CDH8: variants seen among roughly 807,000 people sequenced by gnomAD.
CDH8 encodes cadherin 8.
CDH8 carries 17 observed loss-of-function variants against 68.1 expected under a neutral mutation model. That is an observed-to-expected ratio of 0.25 (90% CI 0.17 to 0.37). The LOEUF is 0.37. Among genes scored for constraint, CDH8 ranks in the 10% least tolerant of loss-of-function variants. The pLI is 1.00. For synonymous variants in CDH8, 372 were observed against 365.1 expected, an observed-to-expected ratio of 1.02 and a Z score of -0.21; for missense variants, 763 against 999.3, an observed-to-expected ratio of 0.76 and a Z score of 3.19.
intron 10 of CDH8, among the ~76,000 whole-genome samples, chr16:61,669,343 C>T (rs1001799621): frequency 2.0e-5 from 3 of 152,020 alleles, no homozygotes; most frequent in African/African-American, 7.2e-5. Flanking sequence ...GGAAAGTCTT[C>T]CTCAACACAC....
intron 2 of CDH8, among the ~76,000 whole-genome samples, chr16:61,993,231 CTAACTT>C (rs996785084): frequency 1.7e-4 from 26 of 152,310 alleles, no homozygotes; most frequent in African/African-American, 5.3e-4. Context: ...ACCATTATCT[CTAACTT>C]TAATCACTAA....
In CDH8 at chr16:61,788,464, T is replaced by C. The variant is rs138195100; in HGVS notation, c.1414+882A>G. 3.1e-4 allele frequency among the ~76,000 whole-genome samples: 47 copies of C among 152,220 alleles called. No individual in the cohort carries two copies. The East Asian group carries it at 8.9e-3, about 29-fold the overall frequency. ...GAATTTATTGTCTCCTTTGAATTTG[T>C]GCACAACTTCAAAGTCCTTTATAGA... On this transcript the variant is annotated intron_variant, in intron 8 of 11. Transcript: ENST00000577390.
intron 2 of CDH8, among the ~76,000 whole-genome samples, chr16:61,959,036 C>T (rs891934244): frequency 6.6e-6 from 1 of 152,152 alleles, no homozygotes; most frequent in African/African-American, 2.4e-5. Context: ...AATCCTTTCT[C>T]TCATTTGGCC....
chr16:61,848,541 T>C (rs1463040643), intron 4 of CDH8, among the ~76,000 whole-genome samples: 1 of 152,066 alleles, frequency 6.6e-6, no homozygotes, highest in Non-Finnish European at 1.5e-5. Context: ...AAACAATTAA[T>C]ATGACCTCAG....
intron 4 of CDH8, among the ~76,000 whole-genome samples, chr16:61,844,399 G>A (rs1962760370): frequency 6.6e-6 from 1 of 152,036 alleles, no homozygotes; most frequent in Non-Finnish European, 1.5e-5. Context: ...CCTGCACGTT[G>A]TGCACATGTA....
At chr16:61,751,176 G>T (rs17248975) in intron 8 of CDH8, among the ~76,000 whole-genome samples, 1 of 151,324 alleles carries the variant, frequency 6.6e-6, no homozygotes, top group Admixed American at 6.6e-5. Context: ...AATAAATACC[G>T]ATGCAATACA....
At chr16:62,028,665 C>T (rs993058680) in intron 1 of CDH8, among the ~76,000 whole-genome samples, 1 of 151,708 alleles carries the variant, frequency 6.6e-6, no homozygotes, top group Non-Finnish European at 1.5e-5. Context: ...TTGGAATCAT[C>T]AGTTTAGTTA....
intron 2 of CDH8, among the ~76,000 whole-genome samples, chr16:61,980,207 G>A (rs1965507387): frequency 6.6e-6 from 1 of 152,138 alleles, no homozygotes; most frequent in Non-Finnish European, 1.5e-5. Flanking sequence ...GTAAACCTGG[G>A]ACTGGAGAGG....
In CDH8 at chr16:61,652,310, C is replaced by T; in HGVS notation, c.*1298G>A. ...GTAAACAGTGAAATTATGTACAAAT[C>T]AGTTCCTGCTCTAAAACTGTGGGGG... On this transcript the variant is annotated 3_prime_UTR_variant, in exon 12 of 12. Transcript: ENST00000577390. The T allele has an allele frequency of 1.0e-6, 1 of 985,092 alleles. No individual in the cohort carries two copies. Among genetic ancestry groups the T allele is most frequent in the Non-Finnish European group, 1.2e-6 (1 of 829,708 alleles). 61.0% of individuals were successfully genotyped at this position (985,092 alleles called of 1,614,324 possible).
intron 10 of CDH8, among the ~76,000 whole-genome samples, chr16:61,690,436 C>T (rs1964196797): frequency 6.6e-6 from 1 of 151,988 alleles, no homozygotes; most frequent in Non-Finnish European, 1.5e-5. Context: ...TCTATATAAG[C>T]TCTACTATTT....
intron 11 of CDH8, among the ~76,000 whole-genome samples, chr16:61,655,143 C>G (rs1258718007): frequency 6.6e-6 from 1 of 152,132 alleles, no homozygotes; most frequent in Admixed American, 6.5e-5. Context: ...ACTGGTGTGC[C>G]TCACACCCAG....
chr16:61,746,337 C>T (rs958376398), intron 8 of CDH8, among the ~76,000 whole-genome samples: 2 of 151,964 alleles, frequency 1.3e-5, no homozygotes. Flanking sequence ...GGTCTCTATG[C>T]CCTGTGAGTT....
At chr16:61,743,296 G>A (rs1231536356) in intron 8 of CDH8, 1 of 152,084 alleles carries the variant, frequency 6.6e-6, no homozygotes, top group Admixed American at 6.6e-5. Flanking sequence ...CTATATCCTT[G>A]ACCAAAGACC....
At chr16:61,668,100 G>C (rs1482383244) in intron 10 of CDH8, among the ~76,000 whole-genome samples, 1 of 152,008 alleles carries the variant, frequency 6.6e-6, no homozygotes, top group East Asian at 1.9e-4. Context: ...CAAGAGTATA[G>C]TATTTGATTA....
intron 8 of CDH8, among the ~76,000 whole-genome samples, chr16:61,775,939 A>G (rs1433816178): frequency 6.6e-6 from 1 of 152,164 alleles, no homozygotes; most frequent in East Asian, 1.9e-4. Context: ...GTGAATTAAT[A>G]CATATTAACA....
rs1198009662 is a variant in CDH8, at chr16:61,766,242, T to C, written c.1414+23104A>G. 2.0e-5 allele frequency among the ~76,000 whole-genome samples: 3 copies of C among 151,018 alleles called. No homozygotes were observed. In the East Asian group the frequency reaches 6.0e-4, roughly 30 times the overall value. On this transcript the variant is annotated intron_variant, in intron 8 of 11. Transcript: ENST00000577390. ...CCACTTATAAGTGAGAACATGTGGGTATTTGGTTTTCAATTCCTGAGTTAC... is the reference window on the plus strand; with the variant it reads ...CCACTTATAAGTGAGAACATGTGGGCATTTGGTTTTCAATTCCTGAGTTAC...
chr16:61,768,306 C>G (rs1414951906), intron 8 of CDH8, among the ~76,000 whole-genome samples: 235 of 133,392 alleles, frequency 1.8e-3, no homozygotes, highest in Non-Finnish European at 3.2e-3. Context: ...CTCTCTGTGT[C>G]TCTCCCTTTC....
chr16:61,747,509 A>G (rs1174174185), intron 8 of CDH8, among the ~76,000 whole-genome samples: 2 of 152,082 alleles, frequency 1.3e-5, no homozygotes, highest in Non-Finnish European at 2.9e-5. Flanking sequence ...CAAATTTTCA[A>G]TATAGAGCAA....
chr16:61,854,469 C>T (rs764868636), intron 4 of CDH8, among the ~76,000 whole-genome samples: 3 of 152,022 alleles, frequency 2.0e-5, no homozygotes, highest in African/African-American at 4.8e-5. Context: ...CCTCTTTGAT[C>T]GCATGGGTAG....
Sources: allele counts gnomAD v4.1 joint callset (sites outside exome capture counted in the v4.1 genomes callset), GRCh38; gene constraint gnomAD v4.1.1; transcripts MANE v1.5; gene names NCBI Gene and HGNC (gene_info 2026-07-23, HGNC 2026-07-21).